CCDC181: variants seen among roughly 807,000 people sequenced by gnomAD.
CCDC181 encodes the protein coiled-coil domain-containing protein 181.
A neutral mutation model predicts 58.7 loss-of-function variants in CCDC181; 35 were observed. That is an observed-to-expected ratio of 0.60 (90% confidence interval 0.46 to 0.79). The LOEUF is 0.79. Ranked by LOEUF, CCDC181 falls within the 30% of genes least tolerant of loss-of-function variation. The pLI is 0.00. For synonymous variants in CCDC181, 183 were observed against 197.5 expected (o/e 0.93, Z 0.62); for missense variants, 517 against 583.9 (o/e 0.89, Z 1.18).
intron 2 of CCDC181, among the ~76,000 whole-genome samples, chr1:169,458,188 TG>T (rs1366952108): frequency 8.3e-4 from 108 of 130,378 alleles, no homozygotes; most frequent in East Asian, 3.0e-3. Flanking sequence ...TTTTTTTTTT[TG>T]TTTTGTTTTT....
At chr1:169,419,208 A>T in intron 3 of CCDC181, 49 bp from the exon 4 acceptor site, 1 of 1,479,682 alleles carries the variant, frequency 6.8e-7, no homozygotes, top group Non-Finnish European at 9.1e-7. Context: ...ATAAAATTGT[A>T]TGAGTTATCA....
intron 4 of CCDC181, among the ~76,000 whole-genome samples, chr1:169,408,364 G>A (rs892521957): frequency 2.6e-5 from 4 of 152,166 alleles, no homozygotes; most frequent in African/African-American, 9.7e-5. Context: ...TCTCTGGGCA[G>A]GGCATCTCTG....
At chr1:169,458,182 TTTTTTTGTTTTG>T (rs1262203931) in intron 2 of CCDC181, among the ~76,000 whole-genome samples, 1 of 141,372 alleles carries the variant, frequency 7.1e-6, no homozygotes, top group Non-Finnish European at 1.5e-5. Flanking sequence ...TTTGTTTTTT[TTTTTTTGTTTTG>T]TTTTTTTTGC....
At position 169,412,235 on chromosome 1, in the gene CCDC181, G is replaced by A. The variant is rs1200061; in HGVS notation, c.1215+6778C>T. On this transcript the variant is annotated intron_variant, in intron 4 of 5. Coordinates refer to ENST00000367806, the MANE Select transcript of CCDC181 (RefSeq NM_001300969.2). ...TAACAAGCATTACGATACAGCAGTA[G>A]TACAAACAGAGCCAAATCATGAGTG... Among the ~76,000 whole-genome samples the A allele has an allele frequency of 5.1e-3, 765 of 150,548 alleles. 2 individuals carry two copies. The highest frequency in any genetic ancestry group is 7.5e-3 in the Non-Finnish European group (502 of 66,880).
At chr1:169,446,859 T>G (rs1423231479) in intron 2 of CCDC181, among the ~76,000 whole-genome samples, 2 of 152,174 alleles carry the variant, frequency 1.3e-5, no homozygotes, top group Non-Finnish European at 2.9e-5. Context: ...AATGACCATG[T>G]GTACTTAATG....
Position 169,394,952 on chromosome 1 carries a change from C to T in CCDC181, c.*95G>A. The T allele has an allele frequency of 9.0e-7, 1 of 1,106,084 alleles. No homozygotes were observed. Among genetic ancestry groups the T allele is most frequent in the Non-Finnish European group, 1.2e-6 (1 of 800,564 alleles). 68.5% of individuals were successfully genotyped at this position (1,106,084 alleles called of 1,614,324 possible). A position where few individuals can be genotyped will look rare whatever the true frequency, so the allele number is the denominator to read the frequency against. On this transcript the variant is annotated 3_prime_UTR_variant, in exon 6 of 6. Coordinates refer to ENST00000367806, the MANE Select transcript of CCDC181 (RefSeq NM_001300969.2). Reference sequence around the variant, plus strand: ...TGTCAATAAAAGATAAATACCATTTCCATAATTTAGAATACAACCAAAGTA... The same window carrying T: ...TGTCAATAAAAGATAAATACCATTTTCATAATTTAGAATACAACCAAAGTA...
Position 169,427,365 on chromosome 1 carries a change from A to G in CCDC181, c.-101T>C, listed in dbSNP as rs1656759461. On this transcript the variant is annotated 5_prime_UTR_variant, in exon 1 of 6. An upstream start codon of the reference 5' UTR is lost. Transcript: ENST00000367806. Reference sequence around the variant, plus strand: ...CTCCTCCTCTTTCTAAGCTCTTCACATTGAGGCAAAGGAGACCCCGGCACC... The same window carrying G: ...CTCCTCCTCTTTCTAAGCTCTTCACGTTGAGGCAAAGGAGACCCCGGCACC... 6.6e-6 allele frequency: 1 copy of G among 152,266 alleles called. No individual in the cohort carries two copies. The highest frequency in any genetic ancestry group is 1.5e-5 in the Non-Finnish European group (1 of 68,142). 9.4% of individuals were successfully genotyped at this position (152,266 alleles called of 1,614,324 possible).
chr1:169,450,332 G>A (rs937354110), intron 2 of CCDC181, among the ~76,000 whole-genome samples: 1 of 152,044 alleles, frequency 6.6e-6, no homozygotes, highest in Non-Finnish European at 1.5e-5. Flanking sequence ...ACATTTTCAT[G>A]TCTCCCAACT....
intron 2 of CCDC181, chr1:169,443,249 T>C (rs893272547): frequency 6.6e-6 from 1 of 152,070 alleles, no homozygotes; most frequent in African/African-American, 2.4e-5. Flanking sequence ...TGCAATGTAA[T>C]TATTTTCATT....
chr1:169,441,492 A>G (rs1331935398), intron 2 of CCDC181, among the ~76,000 whole-genome samples: 2 of 152,126 alleles, frequency 1.3e-5, no homozygotes, highest in Non-Finnish European at 2.9e-5. Flanking sequence ...GCAATTTTAT[A>G]GAATACAGCA....
intron 4 of CCDC181, among the ~76,000 whole-genome samples, chr1:169,409,049 G>A (rs910060039): frequency 6.6e-6 from 1 of 152,172 alleles, no homozygotes; most frequent in Non-Finnish European, 1.5e-5. Flanking sequence ...TTGACGAATT[G>A]ACGGAAGTAG....
chr1:169,444,863 G>A (rs1006675187), intron 2 of CCDC181, among the ~76,000 whole-genome samples: 7 of 152,010 alleles, frequency 4.6e-5, no homozygotes, highest in Admixed American at 2.0e-4. Context: ...CCAAGATTAC[G>A]GATTGCCACA....
Position 169,422,292 on chromosome 1 carries a change from T to A in CCDC181, c.139A>T (p.Asn47Tyr). The part of the protein sequence containing the change: ...IIEMACEKEE[N>Y]INQDLKENET... ...TTCTCTTTTAAGTCTTGGTTAATAT[T>A]CTCTTCCTTCTCACAAGCCATCTAA... is the stretch of plus-strand genomic sequence containing the variant. The change falls in exon 3 of 6, where the codon AAT (asparagine) becomes TAT (tyrosine). Residue 47 changes from asparagine (N) to tyrosine (Y), a missense_variant. By Grantham distance (143) the Asn-to-Tyr change is moderately radical (BLOSUM62 -2). Coordinates refer to ENST00000367806, the MANE Select transcript of CCDC181 (RefSeq NM_001300969.2). The A allele has an allele frequency of 1.9e-6, 3 of 1,559,866 alleles. No homozygotes were observed. Among genetic ancestry groups the A allele is most frequent in the Non-Finnish European group, 2.6e-6 (3 of 1,145,474 alleles).
Position 169,427,374 on chromosome 1 carries a change from A to C in CCDC181, c.-110T>G, listed in dbSNP as rs1656760391. 6.6e-6 allele frequency: 1 copy of C among 152,264 alleles called. No homozygotes were observed. Among genetic ancestry groups the C allele is most frequent in the Admixed American group, 6.5e-5 (1 of 15,276 alleles). 9.4% of individuals were successfully genotyped at this position (152,264 alleles called of 1,614,324 possible). On this transcript the variant is annotated 5_prime_UTR_variant, in exon 1 of 6. Transcript: ENST00000367806. ...TTTCTAAGCTCTTCACATTGAGGCA[A>C]AGGAGACCCCGGCACCTGCCTCCGC...
At chr1:169,406,848 A>C (rs1196512788) in intron 4 of CCDC181, among the ~76,000 whole-genome samples, 4 of 152,032 alleles carry the variant, frequency 2.6e-5, no homozygotes, top group Admixed American at 2.6e-4. Flanking sequence ...CAACAAACAA[A>C]CACAACCTAA....
intron 2 of CCDC181, among the ~76,000 whole-genome samples, chr1:169,434,130 G>A (rs1192712433): frequency 1.3e-5 from 2 of 151,810 alleles, no homozygotes; most frequent in African/African-American, 2.4e-5. Context: ...TCAAAAAATG[G>A]ACAAACAACT....
chr1:169,412,538 T>C (rs1656024878), intron 4 of CCDC181, among the ~76,000 whole-genome samples: 1 of 152,050 alleles, frequency 6.6e-6, no homozygotes. Flanking sequence ...AAAGTTCATA[T>C]GGAACAAAAA....
intron 2 of CCDC181, among the ~76,000 whole-genome samples, chr1:169,443,793 G>A (rs762989883): frequency 6.6e-6 from 1 of 152,146 alleles, no homozygotes; most frequent in Non-Finnish European, 1.5e-5. Context: ...TTCTGCTCAT[G>A]TGCCGTGCTA....
upstream of CCDC181, among the ~76,000 whole-genome samples, chr1:169,428,804 C>A (rs1453087678): frequency 1.3e-5 from 2 of 152,106 alleles, no homozygotes; most frequent in East Asian, 3.9e-4. Context: ...TACAGGCACG[C>A]CACCACACCT....
Sources: allele counts gnomAD v4.1 joint callset (sites outside exome capture counted in the v4.1 genomes callset), GRCh38; gene constraint gnomAD v4.1.1; transcripts MANE v1.5; gene names NCBI Gene and HGNC (gene_info 2026-07-23, HGNC 2026-07-21).